The following S100Z variants were observed in gnomAD, a reference collection of about 807,000 sequenced individuals.
The protein encoded by S100Z is S100 calcium binding protein Z, also known as protein S100-Z.
S100Z carries 11 observed loss-of-function variants against 8.5 expected under a neutral mutation model. The ratio of observed to expected loss-of-function variants is 1.30; its 90% CI spans 0.82 to 2.15. The LOEUF is 2.15. Among genes scored for constraint, S100Z ranks in the 30% most tolerant of loss-of-function variants. The pLI, the probability that S100Z is intolerant of heterozygous loss-of-function variation, is 0.00. For missense variants in S100Z, 126 were observed against 117.9 expected, an observed-to-expected ratio of 1.07 and a Z score of -0.32; for synonymous variants, 34 against 43.8, an observed-to-expected ratio of 0.78 and a Z score of 0.89.
At chr5:76,857,654 A>AC (rs1715593412) in intron 1 of S100Z, among the ~76,000 whole-genome samples, 1 of 151,952 alleles carries the variant, frequency 6.6e-6, no homozygotes, top group African/African-American at 2.4e-5. Context: ...ATGTGCCACT[A>AC]TCCCCAGCTA....
chr5:76,877,901 C>A, intron 4 of S100Z, 67 bp downstream of exon 4: 1 of 1,119,636 alleles, frequency 8.9e-7, no homozygotes, highest in Non-Finnish European at 1.3e-6. Context: ...TCATTTATAC[C>A]GTTCAGATCT....
chr5:76,867,378 C>T (rs1342555096), intron 1 of S100Z, among the ~76,000 whole-genome samples: 1 of 152,046 alleles, frequency 6.6e-6, no homozygotes, highest in African/African-American at 2.4e-5. Context: ...TAGTCTTGGC[C>T]CCAGGGCAGT....
At chr5:76,858,330 C>T (rs1340240396) in intron 1 of S100Z, among the ~76,000 whole-genome samples, 1 of 151,956 alleles carries the variant, frequency 6.6e-6, no homozygotes, top group East Asian at 1.9e-4. Context: ...TAAGACCAGC[C>T]TGGCCAACAT....
At position 76,899,329 on chromosome 5, in the gene S100Z, A is replaced by G. The variant is rs370683841; in HGVS notation, c.*3-21388A>G. 3.3e-5 allele frequency among the ~76,000 whole-genome samples: 5 copies of G among 151,230 alleles called. No individual in the cohort carries two copies. In the East Asian group the frequency reaches 5.8e-4, roughly 18 times the overall value. On this transcript the variant is annotated intron_variant, in intron 4 of 4. Coordinates refer to ENST00000317593, the MANE Select transcript of S100Z (RefSeq NM_130772.4). ...TCTATGTCTTTTGATTAAAGAGTTC[A>G]GTCCATTTATAGTCCATGTTGTTAT...
chr5:76,912,811 C>G (rs1428217328), intron 4 of S100Z, among the ~76,000 whole-genome samples: 1 of 151,250 alleles, frequency 6.6e-6, no homozygotes, highest in South Asian at 2.1e-4. Flanking sequence ...CAAGGAAAGA[C>G]CAGCAGAAAG....
chr5:76,867,791 A>G lies in S100Z; in HGVS notation c.-175-2375A>G, dbSNP rs183197183. On this transcript the variant is annotated intron_variant, in intron 1 of 4. Transcript: ENST00000317593. ...GAGATGGGGTTTCGCCATGTTGGCC[A>G]GGCTGGTCTCAAACTCCTGACCTCA... Among the ~76,000 whole-genome samples the G allele has an allele frequency of 1.7e-4, 26 of 152,204 alleles. 1 individual carries two copies. Among genetic ancestry groups the G allele is most frequent in the Admixed American group, 1.6e-3 (24 of 15,282 alleles).
the S100Z span, among the ~76,000 whole-genome samples, chr5:76,950,266 G>T: frequency 1.3e-5 from 2 of 152,200 alleles, no homozygotes; most frequent in African/African-American, 4.8e-5. Context: ...TAACTTGCGT[G>T]CATAGGGATT....
chr5:76,877,494 G>A (rs1743238650), intron 3 of S100Z, among the ~76,000 whole-genome samples, 180 bp from the exon 4 acceptor site: 1 of 152,086 alleles, frequency 6.6e-6, no homozygotes, highest in African/African-American at 2.4e-5. Flanking sequence ...TGGGGCAGGG[G>A]GCTAGATTCG....
At chr5:76,868,353 CACCTTGCTTTTAA>C (rs1336033815) in intron 1 of S100Z, among the ~76,000 whole-genome samples, 2 of 152,144 alleles carry the variant, frequency 1.3e-5, no homozygotes, top group Non-Finnish European at 2.9e-5. Context: ...AAGAGAAAAT[CACCTTGCTTTTAA>C]ACCCCAAGAG....
At chr5:76,937,809 C>T in the S100Z span, among the ~76,000 whole-genome samples, 1 of 145,010 alleles carries the variant, frequency 6.9e-6, no homozygotes, top group East Asian at 2.2e-4. Context: ...GTGTGATTTT[C>T]TCCCTTTCTT....
the S100Z span, among the ~76,000 whole-genome samples, chr5:76,928,998 C>T: frequency 6.6e-6 from 1 of 152,244 alleles, no homozygotes; most frequent in Admixed American, 6.5e-5. Flanking sequence ...CCACCCTAGG[C>T]CTCCCAAAGT....
chr5:76,913,616 A>G (rs1744745445), intron 4 of S100Z, among the ~76,000 whole-genome samples: 1 of 152,250 alleles, frequency 6.6e-6, no homozygotes, highest in Admixed American at 6.5e-5. Context: ...TGTAACATGT[A>G]TTATCCTACT....
chr5:76,927,444 G>A, the S100Z span, among the ~76,000 whole-genome samples: 1 of 152,126 alleles, frequency 6.6e-6, no homozygotes, highest in African/African-American at 2.4e-5. Flanking sequence ...CCATTCAGAT[G>A]TTCCAAGTCT....
At chr5:76,898,123 C>T (rs532163275) in intron 4 of S100Z, among the ~76,000 whole-genome samples, 27 of 151,144 alleles carry the variant, frequency 1.8e-4, no homozygotes, top group Non-Finnish European at 2.9e-5. Context: ...ATGGGTCTGT[C>T]ATATATGGCT....
chr5:76,898,518 G>A (rs1744118604), intron 4 of S100Z, among the ~76,000 whole-genome samples: 1 of 152,138 alleles, frequency 6.6e-6, no homozygotes, highest in Non-Finnish European at 1.5e-5. Context: ...ATAAAGGGAT[G>A]TTGAATTTTG....
At chr5:76,868,668 G>A (rs1022371741) in intron 1 of S100Z, among the ~76,000 whole-genome samples, 1 of 140,626 alleles carries the variant, frequency 7.1e-6, no homozygotes, top group Non-Finnish European at 1.5e-5. Flanking sequence ...GCAACACCCA[G>A]GCTGGAGTGC....
chr5:76,920,094 G>A (rs867066406), intron 4 of S100Z, among the ~76,000 whole-genome samples: 3 of 151,994 alleles, frequency 2.0e-5, no homozygotes, highest in Non-Finnish European at 4.4e-5. Context: ...ATTTTTAGTA[G>A]AGATGGGGTT....
intron 4 of S100Z, among the ~76,000 whole-genome samples, chr5:76,918,299 C>T (rs984052659): frequency 2.0e-4 from 30 of 152,270 alleles, no homozygotes; most frequent in Middle Eastern, 3.4e-3. Flanking sequence ...TTCTGCCTCC[C>T]GGGCTCAAGT....
At chr5:76,866,315 G>A (rs751801773) in intron 1 of S100Z, among the ~76,000 whole-genome samples, 18 of 152,130 alleles carry the variant, frequency 1.2e-4, no homozygotes, top group Non-Finnish European at 2.2e-4. Context: ...GAAATTCTGG[G>A]CTCAAATGAT....
Sources: allele counts gnomAD v4.1 joint callset (sites outside exome capture counted in the v4.1 genomes callset), GRCh38; gene constraint gnomAD v4.1.1; transcripts MANE v1.5; gene names NCBI Gene and HGNC (gene_info 2026-07-23, HGNC 2026-07-21).